The following NPSR1 variants were observed in gnomAD, a reference collection of about 807,000 sequenced individuals.
The protein encoded by NPSR1 is neuropeptide S receptor 1.
In NPSR1, 48 loss-of-function variants were observed where a neutral mutation model predicts 46.9. The observed-to-expected ratio is 1.02, with a 90% CI of 0.81 to 1.30. NPSR1 has a LOEUF of 1.30. Ranked by LOEUF, NPSR1 falls within the 50% of genes most tolerant of loss-of-function variation. The probability of loss-of-function intolerance (pLI) is 0.00; values close to 1 mark genes in which losing one functional copy is unlikely to be tolerated. For missense variants in NPSR1, 450 were observed against 449.5 expected (o/e 1.00, Z -0.01); for synonymous variants, 176 against 168.1 (o/e 1.05, Z -0.36).
chr7:34,685,512 A>G (rs1792881905), intron 2 of NPSR1, among the ~76,000 whole-genome samples: 1 of 152,172 alleles, frequency 6.6e-6, no homozygotes, highest in Non-Finnish European at 1.5e-5. Context: ...AAAAAAATGC[A>G]AAAGGAAAAA....
In NPSR1 at chr7:34,809,577, C is replaced by T. The variant is rs113654333; in HGVS notation, c.385-2193C>T. The stretch of plus-strand genomic sequence containing the variant: ...CTCCCGGGTTCACGCCATTCTCCTG[C>T]CTCAGCCTCCCGAGTAGCTGGGACT... On this transcript the variant is annotated intron_variant, in intron 3 of 8. Transcript: ENST00000360581. Among the ~76,000 whole-genome samples the T allele has an allele frequency of 4.0e-3, 610 of 151,436 alleles. 5 individuals carry two copies. The highest frequency in any genetic ancestry group is 0.014 in the African/African-American group (583 of 41,294).
At chr7:34,836,703 G>T (rs906220430) in intron 6 of NPSR1, among the ~76,000 whole-genome samples, 1 of 143,304 alleles carries the variant, frequency 7.0e-6, no homozygotes, top group Non-Finnish European at 1.5e-5. Context: ...AGAAAGGAAG[G>T]AAGGAAGGAA....
chr7:34,731,027 AG>A (rs576987940), intron 2 of NPSR1, among the ~76,000 whole-genome samples: 3 of 152,216 alleles, frequency 2.0e-5, no homozygotes, highest in Admixed American at 6.5e-5. Flanking sequence ...GCATAGAAAA[AG>A]ATTTTTTAAG....
rs567912869 is a variant in NPSR1, at chr7:34,712,395, A to G, written c.280+27711A>G. On this transcript the variant is annotated intron_variant, in intron 2 of 8. Coordinates refer to ENST00000360581, the MANE Select transcript of NPSR1 (RefSeq NM_207172.2). ...TTCACACTGTAGCCAAAGTTATTTTATTCAAAATTCAAATTAATTTAATTA... is the reference window on the plus strand; with the variant it reads ...TTCACACTGTAGCCAAAGTTATTTTGTTCAAAATTCAAATTAATTTAATTA... Among the ~76,000 whole-genome samples the G allele has an allele frequency of 3.3e-4, 50 of 152,266 alleles. 1 individual carries two copies. The highest frequency in any genetic ancestry group is 6.8e-3 in the Middle Eastern group (2 of 294).
chr7:34,684,177 C>T (rs1792801204), intron 1 of NPSR1, among the ~76,000 whole-genome samples: 1 of 152,104 alleles, frequency 6.6e-6, no homozygotes, highest in African/African-American at 2.4e-5. Flanking sequence ...AATTGAAGTG[C>T]TTTATTTACT....
At position 34,848,658 on chromosome 7, in the gene NPSR1, C is replaced by A; in HGVS notation, c.1020C>A (p.Pro340=). 1 of 1,613,682 alleles carries A rather than the reference C, an allele frequency of 6.2e-7. No homozygotes were observed. Among genetic ancestry groups the A allele is most frequent in the South Asian group, 1.1e-5 (1 of 91,060 alleles). The change falls in exon 8 of 9, where the codon CCC becomes CCA. Residue 340 remains proline, a synonymous_variant. Transcript: ENST00000360581. Reference sequence around the variant, plus strand: ...TCTTCAGCAGCTCCATCTCTTTCCCCTGCAGGTAAGGGGAGCTCTTGCATG... The same window carrying A: ...TCTTCAGCAGCTCCATCTCTTTCCCATGCAGGTAAGGGGAGCTCTTGCATG... The part of the protein sequence containing the change: ...YCVFSSSISF[P]CREQRSQDSR...
At position 34,689,940 on chromosome 7, in the gene NPSR1, G is replaced by C. The variant is rs550322738; in HGVS notation, c.280+5256G>C. 4.7e-5 allele frequency among the ~76,000 whole-genome samples: 7 copies of C among 148,298 alleles called. No homozygotes were observed. The South Asian group carries it at 1.5e-3, about 32-fold the overall frequency. On this transcript the variant is annotated intron_variant, in intron 2 of 8. Coordinates refer to ENST00000360581, the MANE Select transcript of NPSR1 (RefSeq NM_207172.2). Reference sequence around the variant, plus strand: ...CATCTGGGTAACAAAGTGGGACCCTGTCTCTAAAAAAAATTAAAAAAAAAA... The same window carrying C: ...CATCTGGGTAACAAAGTGGGACCCTCTCTCTAAAAAAAATTAAAAAAAAAA...
intron 2 of NPSR1, among the ~76,000 whole-genome samples, chr7:34,725,033 A>G (rs1784063359): frequency 6.6e-6 from 1 of 151,870 alleles, no homozygotes; most frequent in Non-Finnish European, 1.5e-5. Flanking sequence ...TAATTTCTAC[A>G]TGGAAAAGGA....
downstream of NPSR1, among the ~76,000 whole-genome samples, chr7:34,851,941 T>C (rs1006503137): frequency 9.2e-5 from 14 of 152,292 alleles, no homozygotes; most frequent in African/African-American, 2.6e-4. Context: ...TGGTAAGGAT[T>C]CTGGAATTGT....
At chr7:34,782,644 G>A (rs1192261182) in intron 3 of NPSR1, among the ~76,000 whole-genome samples, 1 of 152,006 alleles carries the variant, frequency 6.6e-6, no homozygotes, top group Non-Finnish European at 1.5e-5. Flanking sequence ...TGGTTTTGTT[G>A]ATGTTTATCT....
intron 2 of NPSR1, among the ~76,000 whole-genome samples, chr7:34,741,323 T>G (rs1253543106): frequency 6.6e-6 from 1 of 152,200 alleles, no homozygotes; most frequent in Non-Finnish European, 1.5e-5. Flanking sequence ...CTCAGGGTCT[T>G]CTCATGTTTT....
intron 2 of NPSR1, among the ~76,000 whole-genome samples, chr7:34,775,002 T>C (rs1377412400): frequency 6.6e-6 from 1 of 152,174 alleles, no homozygotes; most frequent in Non-Finnish European, 1.5e-5. Flanking sequence ...TCTAGCAGAC[T>C]TTCACTACTG....
Position 34,875,392 on chromosome 7 carries a change from T to C in NPSR1, c.1026-2684T>C, listed in dbSNP as rs114542397. On this transcript the variant is annotated intron_variant, in intron 8 of 8. Coordinates refer to the NPSR1 transcript ENST00000359791. The stretch of plus-strand genomic sequence containing the variant: ...ACACATTGAAGATTGAGAAGCCCTC[T>C]TCTAAGGGGTAACGTCTTCCAGAGA... Among the ~76,000 whole-genome samples, 379 of 152,316 alleles carry C rather than the reference T, an allele frequency of 2.5e-3. 3 individuals carry two copies. The highest frequency in any genetic ancestry group is 8.9e-3 in the African/African-American group (370 of 41,580).
At chr7:34,835,615 GTAT>G (rs1340666991) in intron 6 of NPSR1, among the ~76,000 whole-genome samples, 2 of 152,146 alleles carry the variant, frequency 1.3e-5, no homozygotes, top group East Asian at 3.9e-4. Flanking sequence ...GGATGCACAA[GTAT>G]TATCGGGCAC....
intron 6 of NPSR1, among the ~76,000 whole-genome samples, chr7:34,838,324 C>T (rs77555967): frequency 0.16 from 25,058 of 152,102 alleles, 2,293 homozygotes; most frequent in Non-Finnish European, 0.21. Flanking sequence ...AAATGGCTAC[C>T]GCCACTTTTT....
In NPSR1 at chr7:34,827,566, C is replaced by T. The variant is rs1222565059; in HGVS notation, c.644C>T (p.Ala215Val). 6 of 1,561,844 alleles carry T rather than the reference C, an allele frequency of 3.8e-6. No individual in the cohort carries two copies. In the South Asian group the frequency reaches 5.5e-5, roughly 14 times the overall value. ...TGGACCCCATACATGACCATCGTGGCCTTCCTGGTGTACTTCATCCCTCTG... is the reference window on the plus strand; with the variant it reads ...TGGACCCCATACATGACCATCGTGGTCTTCCTGGTGTACTTCATCCCTCTG... Reference protein sequence around the residue: ...SYWTPYMTIVAFLVYFIPLTI... With the variant: ...SYWTPYMTIVVFLVYFIPLTI... Residue 215 changes from alanine (A) to valine (V), a missense_variant, in exon 5 of 9, where the codon GCC becomes GTC. Transcript: ENST00000360581.
chr7:34,675,169 T>C (rs1792255070), intron 1 of NPSR1, among the ~76,000 whole-genome samples: 2 of 152,214 alleles, frequency 1.3e-5, no homozygotes, highest in Admixed American at 1.3e-4. Context: ...TATGGTTAAG[T>C]GAGCAATATG....
chr7:34,781,469 A>C (rs1438403758), intron 3 of NPSR1, among the ~76,000 whole-genome samples: 2 of 152,194 alleles, frequency 1.3e-5, no homozygotes, highest in African/African-American at 4.8e-5. Context: ...TGGCACACCT[A>C]AGAGGCCATG....
At chr7:34,757,435 G>T (rs1785921727) in intron 2 of NPSR1, among the ~76,000 whole-genome samples, 1 of 152,298 alleles carries the variant, frequency 6.6e-6, no homozygotes, top group South Asian at 2.1e-4. Flanking sequence ...CACACAGCCT[G>T]GGATGCAGGT....
Sources: allele counts gnomAD v4.1 joint callset (sites outside exome capture counted in the v4.1 genomes callset), GRCh38; gene constraint gnomAD v4.1.1; transcripts MANE v1.5; gene names NCBI Gene and HGNC (gene_info 2026-07-23, HGNC 2026-07-21).